The following NRG2 variants were observed in gnomAD, a reference collection of about 807,000 sequenced individuals.
The protein encoded by NRG2 is pro-neuregulin-2, membrane-bound isoform.
NRG2 carries 27 observed loss-of-function variants against 73.9 expected under a neutral mutation model. The observed-to-expected ratio is 0.37, with a 90% CI of 0.27 to 0.50. The LOEUF (loss-of-function observed/expected upper bound fraction) is 0.50, where lower values mean the gene tolerates loss of function less well. NRG2 is among the 20% of genes least tolerant of loss of function. The probability of loss-of-function intolerance (pLI) is 0.96; values close to 1 mark genes in which losing one functional copy is unlikely to be tolerated. For synonymous variants in NRG2, 532 were observed against 541.0 expected (o/e 0.98, Z 0.23); for missense variants, 1,126 against 1,210.1 (o/e 0.93, Z 1.03).
rs76295501 is a variant in NRG2 at position 140,020,990 on chromosome 5, C to T, written c.700+21380G>A. On this transcript the variant is annotated intron_variant, in intron 1 of 9. Coordinates refer to ENST00000361474, the MANE Select transcript of NRG2 (RefSeq NM_004883.3). ...TACTCTGTGGCCTTGCCCTTTAAGT[C>T]CTTGGCAGAAAGACTGTGAGTAGGT... is the stretch of plus-strand genomic sequence containing the variant. 4.2e-3 allele frequency among the ~76,000 whole-genome samples: 641 copies of T among 152,212 alleles called. 6 individuals are homozygous for T. Among genetic ancestry groups the T allele is most frequent in the Middle Eastern group, 0.027 (8 of 294 alleles).
chr5:139,938,933 GAAAGAAAGA>G (rs2126413703), intron 1 of NRG2, among the ~76,000 whole-genome samples: 1 of 118,734 alleles, frequency 8.4e-6, no homozygotes, highest in South Asian at 2.9e-4. Context: ...AAGAAAGAAA[GAAAGAAAGA>G]AAGAAAGAAA....
chr5:139,989,986 C>T (rs1052149219), intron 1 of NRG2, among the ~76,000 whole-genome samples: 6 of 151,242 alleles, frequency 4.0e-5, no homozygotes, highest in Non-Finnish European at 7.4e-5. Context: ...GACGGGGTTT[C>T]ACCATGTTAG....
Position 139,990,082 on chromosome 5 carries a change from C to G in NRG2, c.700+52288G>C, listed in dbSNP as rs886958427. Among the ~76,000 whole-genome samples the G allele has an allele frequency of 7.9e-5, 12 of 151,912 alleles. No individual in the cohort carries two copies. In the South Asian group the frequency reaches 1.0e-3, roughly 13 times the overall value. ...GGATTACAGGCGTGAGCCACTGTGCCTGGCCTTATTATTATTATTTTATTA... is the reference window on the plus strand; with the variant it reads ...GGATTACAGGCGTGAGCCACTGTGCGTGGCCTTATTATTATTATTTTATTA... On this transcript the variant is annotated intron_variant, in intron 1 of 9. Transcript: ENST00000361474.
chr5:139,870,616 GTGGCCTT>G lies in NRG2; in HGVS notation c.1112+1098_1112+1104del, dbSNP rs1051081588. ...TCTCTGAATCCCCATCAATGTTTTG[GTGGCCTT>G]TGCCCAGATGCCATGGGAATGGGGC... On this transcript the variant is annotated intron_variant, in intron 4 of 9. Transcript: ENST00000361474. This position sits in a 1 kb window ranked among gnomAD's most constrained non-coding sequence, Gnocchi z 4.4. Among the ~76,000 whole-genome samples the G allele has an allele frequency of 2.0e-5, 3 of 152,156 alleles. No individual in the cohort carries two copies. Among genetic ancestry groups the G allele is most frequent in the African/African-American group, 7.2e-5 (3 of 41,432 alleles).
rs1369351477 is a variant in NRG2, at chr5:139,887,802, G to A, written c.701-291C>T. On this transcript the variant is annotated intron_variant, in intron 1 of 9. Coordinates refer to ENST00000361474, the MANE Select transcript of NRG2 (RefSeq NM_004883.3). The surrounding 1 kb of genome is among the most constrained non-coding windows in gnomAD (Gnocchi z 4.5). Reference sequence around the variant, plus strand: ...TTCACAGTAACCCCATGAGCTCACAGCAATGGTTAAACCCACTTACAGATG... The same window carrying A: ...TTCACAGTAACCCCATGAGCTCACAACAATGGTTAAACCCACTTACAGATG... Among the ~76,000 whole-genome samples, 1 of 152,140 alleles carries A rather than the reference G, an allele frequency of 6.6e-6. No individual in the cohort carries two copies. The highest frequency in any genetic ancestry group is 1.5e-5 in the Non-Finnish European group (1 of 68,036).
chr5:140,024,256 A>AT (rs34481367), intron 1 of NRG2, among the ~76,000 whole-genome samples: 3,005 of 143,730 alleles, frequency 0.021, 31 homozygotes, highest in Middle Eastern at 0.037. Flanking sequence ...GAGTAAAACA[A>AT]TTTTTTTTTT....
chr5:139,955,488 G>C lies in NRG2; in HGVS notation c.701-67977C>G, dbSNP rs551572262. Among the ~76,000 whole-genome samples the C allele has an allele frequency of 3.9e-5, 6 of 152,240 alleles. No individual in the cohort carries two copies. The South Asian group carries it at 1.2e-3, about 32-fold the overall frequency. ...TTTGGCAGCAGCCAGAAGGTGAAAGGCTACATAAACTGGGCTAGGACACTG... is the reference window on the plus strand; with the variant it reads ...TTTGGCAGCAGCCAGAAGGTGAAAGCCTACATAAACTGGGCTAGGACACTG... On this transcript the variant is annotated intron_variant, in intron 1 of 9. Coordinates refer to ENST00000361474, the MANE Select transcript of NRG2 (RefSeq NM_004883.3).
chr5:139,958,047 C>T lies in NRG2; in HGVS notation c.701-70536G>A, dbSNP rs181390534. 5.8e-4 allele frequency among the ~76,000 whole-genome samples: 89 copies of T among 152,214 alleles called. 1 individual carries two copies. The East Asian group carries it at 0.015, about 26-fold the overall frequency. ...ACACGTTGGCTAGGACTGGAAGGTA[C>T]CTCCTGGAAGTTTCCTGGGACAAGG... On this transcript the variant is annotated intron_variant, in intron 1 of 9. Transcript: ENST00000361474.
At chr5:139,884,062 G>A (rs1246248812) in intron 2 of NRG2, among the ~76,000 whole-genome samples, 1 of 152,160 alleles carries the variant, frequency 6.6e-6, no homozygotes, top group African/African-American at 2.4e-5. Context: ...AGGAGAGGAG[G>A]GCTAGTCCTG....
At chr5:140,032,386 A>G (rs1216471304) in intron 1 of NRG2, among the ~76,000 whole-genome samples, 2 of 152,364 alleles carry the variant, frequency 1.3e-5, no homozygotes, top group Non-Finnish European at 1.5e-5. Flanking sequence ...ATTACTTGCA[A>G]GAAAATAAAG....
intron 1 of NRG2, among the ~76,000 whole-genome samples, chr5:139,957,349 G>C (rs1051901296): frequency 1.2e-4 from 16 of 128,300 alleles, no homozygotes; most frequent in African/African-American, 4.3e-4. Flanking sequence ...GTGTGTGTGT[G>C]TGTGCACATT....
At chr5:139,938,025 G>T (rs955732012) in intron 1 of NRG2, among the ~76,000 whole-genome samples, 1 of 152,226 alleles carries the variant, frequency 6.6e-6, no homozygotes, top group Non-Finnish European at 1.5e-5. Context: ...GCTACAGTGA[G>T]CTATGATTGT....
chr5:139,997,232 G>A (rs562992128), intron 1 of NRG2, among the ~76,000 whole-genome samples: 32 of 152,196 alleles, frequency 2.1e-4, no homozygotes, highest in Middle Eastern at 3.4e-3. Context: ...TTTTAATTAA[G>A]ATTTATGGGT....
intron 9 of NRG2, among the ~76,000 whole-genome samples, chr5:139,850,171 T>TATTTATGCATGG (rs1295161473): frequency 6.6e-6 from 1 of 152,246 alleles, no homozygotes; most frequent in African/African-American, 2.4e-5. Flanking sequence ...TAGCTACACC[T>TATTTATGCATGG]AGTGAGCATC....
At chr5:139,937,491 G>C (rs1333752021) in intron 1 of NRG2, among the ~76,000 whole-genome samples, 1 of 152,144 alleles carries the variant, frequency 6.6e-6, no homozygotes, top group East Asian at 1.9e-4. Flanking sequence ...AAGACATACA[G>C]ATTGGAAAAG....
chr5:139,918,077 G>A (rs1422707060), intron 1 of NRG2, among the ~76,000 whole-genome samples: 4 of 152,192 alleles, frequency 2.6e-5, no homozygotes, highest in African/African-American at 7.2e-5. Context: ...TATACGGTAT[G>A]AGGTATTCTT....
At chr5:139,882,757 C>A (rs112575960) in intron 2 of NRG2, among the ~76,000 whole-genome samples, 1 of 152,050 alleles carries the variant, frequency 6.6e-6, no homozygotes, top group East Asian at 1.9e-4. Context: ...CTCCTTGTCA[C>A]CCCCCTGGAA....
chr5:139,963,196 A>T (rs768747219), intron 1 of NRG2, among the ~76,000 whole-genome samples: 1 of 152,258 alleles, frequency 6.6e-6, no homozygotes, highest in Non-Finnish European at 1.5e-5. Context: ...CTCAAATAGA[A>T]GTCCTCAACA....
At chr5:139,896,106 T>C (rs1048466519) in intron 1 of NRG2, among the ~76,000 whole-genome samples, 20 of 151,890 alleles carry the variant, frequency 1.3e-4, no homozygotes, top group Non-Finnish European at 2.2e-4. Flanking sequence ...GGAGGCACCC[T>C]GTACATGCAG....
Sources: allele counts gnomAD v4.1 joint callset (sites outside exome capture counted in the v4.1 genomes callset), GRCh38; gene constraint gnomAD v4.1.1; non-coding constraint Gnocchi (gnomAD v3.1); transcripts MANE v1.5; gene names NCBI Gene and HGNC (gene_info 2026-07-23, HGNC 2026-07-21).